Variants in NIPAL2 observed in about 807,000 individuals in gnomAD.
NIPAL2 encodes the protein NIPA like domain containing 2.
NIPAL2 carries 43 observed loss-of-function variants against 48.9 expected under a neutral mutation model. The observed-to-expected ratio is 0.88, with a 90% CI of 0.69 to 1.13. The LOEUF (loss-of-function observed/expected upper bound fraction) is 1.13, where lower values mean the gene tolerates loss of function less well. NIPAL2 is among the 50% of genes most tolerant of loss of function. The probability of loss-of-function intolerance (pLI) is 0.00; values close to 1 mark genes in which losing one functional copy is unlikely to be tolerated. For synonymous variants in NIPAL2, 167 were observed against 174.6 expected, an observed-to-expected ratio of 0.96 and a Z score of 0.34; for missense variants, 446 against 461.4, an observed-to-expected ratio of 0.97 and a Z score of 0.31.
intron 5 of NIPAL2, among the ~76,000 whole-genome samples, chr8:98,216,082 T>C (rs1440132304): frequency 6.6e-6 from 1 of 152,218 alleles, no homozygotes; most frequent in African/African-American, 2.4e-5. Context: ...GGCCATAGCA[T>C]ATGGCTTCTC....
chr8:98,240,282 C>T (rs1446072709), intron 3 of NIPAL2, among the ~76,000 whole-genome samples: 1 of 152,148 alleles, frequency 6.6e-6, no homozygotes, highest in Non-Finnish European at 1.5e-5. Flanking sequence ...ACAGAGAGTG[C>T]TCACTGATCT....
intron 4 of NIPAL2, among the ~76,000 whole-genome samples, chr8:98,230,447 C>A (rs1812388596): frequency 6.6e-6 from 1 of 152,170 alleles, no homozygotes; most frequent in African/African-American, 2.4e-5. Context: ...GTGAATTAAA[C>A]AAACTTAAAT....
intron 1 of NIPAL2, among the ~76,000 whole-genome samples, chr8:98,274,941 A>G (rs1339543601): frequency 2.6e-5 from 4 of 151,898 alleles, no homozygotes; most frequent in African/African-American, 9.7e-5. Flanking sequence ...TATACATCTT[A>G]TTTCTATTAT....
rs7004217 is a variant in NIPAL2, at chr8:98,221,292, T to G, written c.558+1187A>C. ...TGCCCAGCCTCATTTCATTCTTTTA[T>G]ACATCTCTTGGCATTGTAGTACTGT... is the stretch of plus-strand genomic sequence containing the variant. On this transcript the variant is annotated intron_variant, in intron 5 of 10. Transcript: ENST00000430223. Among the ~76,000 whole-genome samples the G allele has an allele frequency of 6.8e-3, 1,033 of 151,628 alleles. 7 individuals carry two copies. Among genetic ancestry groups the G allele is most frequent in the African/African-American group, 0.024 (976 of 41,454 alleles).
intron 1 of NIPAL2, among the ~76,000 whole-genome samples, chr8:98,293,468 T>C (rs1164482873): frequency 6.6e-6 from 1 of 152,212 alleles, no homozygotes. Flanking sequence ...AAATGCAACC[T>C]GAGAAAATGT....
chr8:98,250,746 C>CCACCTTAA (rs1813545338), intron 3 of NIPAL2, among the ~76,000 whole-genome samples: 1 of 152,148 alleles, frequency 6.6e-6, no homozygotes, highest in Admixed American at 6.5e-5. Flanking sequence ...GTGGGTGGAC[C>CCACCTTAA]AGCTCACAGA....
intron 3 of NIPAL2, among the ~76,000 whole-genome samples, chr8:98,245,417 A>G (rs1813260080): frequency 6.6e-6 from 1 of 152,190 alleles, no homozygotes; most frequent in Non-Finnish European, 1.5e-5. Context: ...GAAAAGTTCT[A>G]CCATTCATGT....
intron 3 of NIPAL2, chr8:98,251,607 C>T (rs1263686666): frequency 6.6e-6 from 1 of 152,084 alleles, no homozygotes; most frequent in African/African-American, 2.4e-5. Flanking sequence ...AAATGACTTA[C>T]AAAATAAAAT....
intron 1 of NIPAL2, among the ~76,000 whole-genome samples, chr8:98,278,203 A>G (rs1171019286): frequency 6.6e-6 from 1 of 152,038 alleles, no homozygotes; most frequent in African/African-American, 2.4e-5. Context: ...GAATGCTTTT[A>G]AGATTTTCTT....
chr8:98,212,303 A>G lies in NIPAL2; in HGVS notation c.655+102T>C, dbSNP rs535741622. The G allele has an allele frequency of 4.1e-4, 246 of 597,654 alleles. 4 individuals carry two copies. The South Asian group carries it at 6.2e-3, about 15-fold the overall frequency. 37.0% of individuals were successfully genotyped at this position (597,654 alleles called of 1,614,324 possible). A position where few individuals can be genotyped will look rare whatever the true frequency, so the allele number is the denominator to read the frequency against. Reference sequence around the variant, plus strand: ...CTATAGATCAGAGCTGAAAAATATAAACCATGAGAAAGGAGTAGAATGCTT... The same window carrying G: ...CTATAGATCAGAGCTGAAAAATATAGACCATGAGAAAGGAGTAGAATGCTT... On this transcript the variant is annotated intron_variant, in intron 6 of 10. Transcript: ENST00000430223.
At chr8:98,260,775 C>A (rs532559778) in intron 1 of NIPAL2, among the ~76,000 whole-genome samples, 10 of 152,374 alleles carry the variant, frequency 6.6e-5, no homozygotes, top group Admixed American at 2.6e-4. Flanking sequence ...GCGGAGCCCA[C>A]CACAGCACAA....
intron 1 of NIPAL2, among the ~76,000 whole-genome samples, chr8:98,273,549 A>G (rs1371695428): frequency 2.0e-5 from 3 of 152,170 alleles, no homozygotes; most frequent in Non-Finnish European, 2.9e-5. Context: ...TGTTACTGAA[A>G]ATAGAATACT....
chr8:98,286,834 ACC>A (rs1491141707), intron 1 of NIPAL2, among the ~76,000 whole-genome samples: 15 of 135,570 alleles, frequency 1.1e-4, no homozygotes, highest in African/African-American at 3.6e-4. Context: ...AAAAAAAAAA[ACC>A]AAAAACAAAC....
Position 98,195,950 on chromosome 8 carries a change from A to T in NIPAL2, c.936T>A (p.Tyr312Ter), listed in dbSNP as rs1423596050. ...CTGAGACATTTACTCACCCAAAAAG[A>T]TATATAAATACAGTGAGAAAAGGAG... is the stretch of plus-strand genomic sequence containing the variant. ...LGAPFLTVFI[Y>*]LFGCFLSFLG... Residue 312 changes from tyrosine to a stop codon, truncating the protein, a stop_gained, in exon 9 of 11, where the codon TAT becomes TAA. Coordinates refer to ENST00000430223, the MANE Select transcript of NIPAL2 (RefSeq NM_001321635.2). LOFTEE classifies it high-confidence loss of function. 6.3e-7 allele frequency: 1 copy of T among 1,578,838 alleles called. No homozygotes were observed. The highest frequency in any genetic ancestry group is 8.7e-7 in the Non-Finnish European group (1 of 1,152,078).
Position 98,191,604 on chromosome 8 carries a change from A to G in NIPAL2, c.*1374T>C, listed in dbSNP as rs1444621730. On this transcript the variant is annotated 3_prime_UTR_variant, in exon 11 of 11. Coordinates refer to ENST00000430223, the MANE Select transcript of NIPAL2 (RefSeq NM_001321635.2). ...AAACAACCTATTTAAATGCAAGACT[A>G]TTGATTGGAATGATATTGGACAGAC... is the stretch of plus-strand genomic sequence containing the variant. The G allele has an allele frequency of 3.9e-5, 6 of 152,320 alleles. No individual in the cohort carries two copies. Among genetic ancestry groups the G allele is most frequent in the Middle Eastern group, 3.4e-3 (1 of 294 alleles). The allele number at this position is 152,320 out of a possible 1,614,324, so 9.4% of individuals were successfully genotyped here.
At chr8:98,197,977 C>A (rs1184799671) in intron 8 of NIPAL2, among the ~76,000 whole-genome samples, 2 of 152,150 alleles carry the variant, frequency 1.3e-5, no homozygotes, top group East Asian at 3.9e-4. Flanking sequence ...TTAATGACAT[C>A]AAGAAAATCA....
chr8:98,249,478 CATATGTCATATATGACATACATGTCAT>C (rs1813463333), intron 3 of NIPAL2, among the ~76,000 whole-genome samples: 1 of 151,570 alleles, frequency 6.6e-6, no homozygotes. Context: ...ATATGTCAGA[CATATGTCATATATGACATACATGTCAT>C]ATATGTCATA....
intron 3 of NIPAL2, among the ~76,000 whole-genome samples, chr8:98,242,492 T>TTTG (rs1387043486): frequency 8.3e-5 from 12 of 144,532 alleles, no homozygotes; most frequent in South Asian, 4.7e-4. Context: ...TGACAGATTT[T>TTTG]TTTTTTTTTT....
At position 98,192,956 on chromosome 8, in the gene NIPAL2, C is replaced by G. The variant is rs749839615; in HGVS notation, c.*22G>C. 1.3e-6 allele frequency: 2 copies of G among 1,488,690 alleles called. No homozygotes were observed. Among genetic ancestry groups the G allele is most frequent in the Non-Finnish European group, 1.9e-6 (2 of 1,066,542 alleles). The allele number at this position is 1,488,690 out of a possible 1,614,324, so 92.2% of individuals were successfully genotyped here. ...AAAAAGGTGGTATCGAATAACAGGC[C>G]AACAGCCATCCTTCTCAGCATTTAG... On this transcript the variant is annotated 3_prime_UTR_variant, in exon 11 of 11. Coordinates refer to ENST00000430223, the MANE Select transcript of NIPAL2 (RefSeq NM_001321635.2).
Sources: gnomAD v4.1 joint callset for allele counts (sites outside exome capture counted in the v4.1 genomes callset) on GRCh38, gnomAD v4.1.1 for gene constraint, MANE v1.5 for transcripts, NCBI Gene and HGNC (gene_info 2026-07-23, HGNC 2026-07-21) for gene names.